Variants in ZNF805 observed in about 807,000 individuals in gnomAD.
The protein encoded by ZNF805 is CTC-444N24.8.
ZNF805 carries 7 observed loss-of-function variants against 13.6 expected under a neutral mutation model. The ratio of observed to expected loss-of-function variants is 0.51; its 90% CI spans 0.29 to 0.97. The LOEUF (loss-of-function observed/expected upper bound fraction) is 0.97. ZNF805 is among the 50% of genes least tolerant of loss of function. ZNF805 has a pLI of 0.08. For synonymous variants in ZNF805, 293 were observed against 279.8 expected (o/e 1.05, Z -0.47); for missense variants, 604 against 771.0 (o/e 0.78, Z 2.57).
chr19:57,253,459 A>G lies in ZNF805; in HGVS notation c.640A>G (p.Lys214Glu). The change falls in exon 4 of 4, where the codon AAG (lysine) becomes GAG (glutamate). Residue 214 changes from lysine to glutamate, a missense_variant. Lys to Glu is a moderately conservative substitution (Grantham distance 56, BLOSUM62 1). Coordinates refer to ENST00000414468, the MANE Select transcript of ZNF805 (RefSeq NM_001023563.4). The surrounding 1 kb of genome is among the most constrained non-coding windows in gnomAD (Gnocchi z 4.4). ...KCNECEKVFN[K>E]KRLLARHERI... is the part of the protein sequence containing the mutation. Reference sequence around the variant, plus strand: ...CAATGAATGTGAAAAAGTGTTTAACAAGAAACGCCTGCTTGCTCGGCATGA... The same window carrying G: ...CAATGAATGTGAAAAAGTGTTTAACGAGAAACGCCTGCTTGCTCGGCATGA... 2 of 1,585,482 alleles carry G rather than the reference A, an allele frequency of 1.3e-6. No homozygotes were observed. The highest frequency in any genetic ancestry group is 1.7e-6 in the Non-Finnish European group (2 of 1,165,166).
At position 57,248,533 on chromosome 19, in the gene ZNF805, C is replaced by A. The variant is rs569941668; in HGVS notation, c.158-72C>A. Reference sequence around the variant, plus strand: ...CAAGGTCTGGTCCCCATCCTGAAGTCCCAGACTAGATTGAAGGTCTTTATT... The same window carrying A: ...CAAGGTCTGGTCCCCATCCTGAAGTACCAGACTAGATTGAAGGTCTTTATT... On this transcript the variant is annotated intron_variant, in intron 2 of 3. Coordinates refer to ENST00000414468, the MANE Select transcript of ZNF805 (RefSeq NM_001023563.4). 1.1e-5 allele frequency: 15 copies of A among 1,349,952 alleles called. No individual in the cohort carries two copies. The East Asian group carries it at 2.0e-4, about 18-fold the overall frequency. 83.6% of individuals were successfully genotyped at this position (1,349,952 alleles called of 1,614,324 possible).
In ZNF805 at chr19:57,261,071, C is replaced by T. The variant is rs2087721100; in HGVS notation, c.*6368C>T. Among the ~76,000 whole-genome samples the T allele has an allele frequency of 6.6e-6, 1 of 152,192 alleles. No individual in the cohort carries two copies. Among genetic ancestry groups the T allele is most frequent in the Admixed American group, 6.5e-5 (1 of 15,286 alleles). ...GGTTTGGGGACTGGAAGCCACTGCA[C>T]TGGCTTCAGAATCCATGTCCTTAAC... On this transcript the variant is annotated 3_prime_UTR_variant, in exon 4 of 4. Transcript: ENST00000414468.
At position 57,258,389 on chromosome 19, in the gene ZNF805, A is replaced by G. The variant is rs2122851170; in HGVS notation, c.*3686A>G. 7.3e-6 allele frequency among the ~76,000 whole-genome samples: 1 copy of G among 136,580 alleles called. No homozygotes were observed. Among genetic ancestry groups the G allele is most frequent in the East Asian group, 2.1e-4 (1 of 4,764 alleles). The allele number at this position is 136,580 out of a possible 152,430, so 89.6% of individuals were successfully genotyped here. Reference sequence around the variant, plus strand: ...ATGTTAGTGCTATGTCTGCTATTTTATGATTAGTTTTTTGTGTTTCCTGTT... The same window carrying G: ...ATGTTAGTGCTATGTCTGCTATTTTGTGATTAGTTTTTTGTGTTTCCTGTT... On this transcript the variant is annotated 3_prime_UTR_variant, in exon 4 of 4. Transcript: ENST00000414468.
Position 57,257,045 on chromosome 19 carries a change from C to T in ZNF805, c.*2342C>T, listed in dbSNP as rs1186854292. The stretch of plus-strand genomic sequence containing the variant: ...TTCCTTTTGAGACATCTTCTCTAAC[C>T]CAGGAATTATTTAGAAGTATATTGT... On this transcript the variant is annotated 3_prime_UTR_variant, in exon 4 of 4. Transcript: ENST00000414468. Among the ~76,000 whole-genome samples the T allele has an allele frequency of 2.0e-5, 3 of 152,050 alleles. No homozygotes were observed. The highest frequency in any genetic ancestry group is 4.4e-5 in the Non-Finnish European group (3 of 68,014).
chr19:57,253,356 A>G lies in ZNF805; in HGVS notation c.537A>G (p.Gly179=). Reference sequence around the variant, plus strand: ...TTATACAGGATCGAGTCTCCTTAGGAGATGATGTCCATGACTGTGACTCAC... The same window carrying G: ...TTATACAGGATCGAGTCTCCTTAGGGGATGATGTCCATGACTGTGACTCAC... ...SRIIQDRVSL[G]DDVHDCDSHG... Residue 179 remains glycine (G), a synonymous_variant, in exon 4 of 4, where the codon GGA becomes GGG. Coordinates refer to ENST00000414468, the MANE Select transcript of ZNF805 (RefSeq NM_001023563.4). This position sits in a 1 kb window ranked among gnomAD's most constrained non-coding sequence, Gnocchi z 4.4. 1 of 1,566,822 alleles carries G rather than the reference A, an allele frequency of 6.4e-7. No individual in the cohort carries two copies. The highest frequency in any genetic ancestry group is 8.7e-7 in the Non-Finnish European group (1 of 1,155,188).
chr19:57,243,790 C>T lies in ZNF805; in HGVS notation c.31-133C>T, dbSNP rs551893261. On this transcript the variant is annotated intron_variant, in intron 1 of 3. Transcript: ENST00000414468. ...TGTCCAAAGCAATGTCTGCCTTCCTCCTTCAGCCTGGTACAAAGTTAGGCC... is the reference window on the plus strand; with the variant it reads ...TGTCCAAAGCAATGTCTGCCTTCCTTCTTCAGCCTGGTACAAAGTTAGGCC... 1.1e-5 allele frequency: 14 copies of T among 1,266,198 alleles called. No homozygotes were observed. In the Admixed American group the frequency reaches 2.4e-4, roughly 22 times the overall value. The allele number at this position is 1,266,198 out of a possible 1,614,324, so 78.4% of individuals were successfully genotyped here.
In ZNF805 at chr19:57,259,147, G is replaced by C. The variant is rs1012762001; in HGVS notation, c.*4444G>C. ...GGTGTGTGACATGGAATTTTTTTGA[G>C]TGTATCATGTTTGGTTTTTGTTTAG... is the stretch of plus-strand genomic sequence containing the variant. On this transcript the variant is annotated 3_prime_UTR_variant, in exon 4 of 4. Coordinates refer to ENST00000414468, the MANE Select transcript of ZNF805 (RefSeq NM_001023563.4). Among the ~76,000 whole-genome samples the C allele has an allele frequency of 3.9e-5, 6 of 152,130 alleles. No homozygotes were observed. The highest frequency in any genetic ancestry group is 1.4e-4 in the African/African-American group (6 of 41,428).
intron 2 of ZNF805, among the ~76,000 whole-genome samples, chr19:57,244,627 A>C (rs1477111001): frequency 6.6e-6 from 1 of 152,106 alleles, no homozygotes; most frequent in Non-Finnish European, 1.5e-5. Context: ...TGTTTTGCAG[A>C]CCTCAAAGGT....
rs2087687713 is a variant in ZNF805 at position 57,256,402 on chromosome 19, G to A, written c.*1699G>A. Among the ~76,000 whole-genome samples, 1 of 152,090 alleles carries A rather than the reference G, an allele frequency of 6.6e-6. No individual in the cohort carries two copies. Among genetic ancestry groups the A allele is most frequent in the Admixed American group, 6.6e-5 (1 of 15,258 alleles). ...TTTTGGAAGATCATGTGTAGAATTG[G>A]TGTTATTTGTTCCTTTAATGTTTGG... is the stretch of plus-strand genomic sequence containing the variant. On this transcript the variant is annotated 3_prime_UTR_variant, in exon 4 of 4. Coordinates refer to ENST00000414468, the MANE Select transcript of ZNF805 (RefSeq NM_001023563.4).
In ZNF805 at chr19:57,255,983, G is replaced by A. The variant is rs543384781; in HGVS notation, c.*1280G>A. The stretch of plus-strand genomic sequence containing the variant: ...TGCTTCCAAAGAGTTTCTCTATCGA[G>A]TTTAGAAAGTTTCCCTCTATTCCTA... On this transcript the variant is annotated 3_prime_UTR_variant, in exon 4 of 4. Coordinates refer to ENST00000414468, the MANE Select transcript of ZNF805 (RefSeq NM_001023563.4). Among the ~76,000 whole-genome samples, 13 of 152,152 alleles carry A rather than the reference G, an allele frequency of 8.5e-5. No individual in the cohort carries two copies. Among genetic ancestry groups the A allele is most frequent in the African/African-American group, 2.9e-4 (12 of 41,558 alleles).
At chr19:57,249,295 A>G (rs1450368126) in intron 3 of ZNF805, among the ~76,000 whole-genome samples, 1 of 152,196 alleles carries the variant, frequency 6.6e-6, no homozygotes, top group Admixed American at 6.5e-5. Flanking sequence ...CCATGAGTCT[A>G]GGAATTGTGG....
At position 57,253,523 on chromosome 19, in the gene ZNF805, A is replaced by T; in HGVS notation, c.704A>T (p.Glu235Val). 6.2e-7 allele frequency: 1 copy of T among 1,612,288 alleles called. No individual in the cohort carries two copies. The highest frequency in any genetic ancestry group is 1.1e-5 in the South Asian group (1 of 90,838). Residue 235 changes from glutamate to valine, a missense_variant, in exon 4 of 4, where the codon GAG becomes GTG. Glu to Val is a moderately radical substitution (Grantham distance 121). This residue lies in a region of ZNF805 where 327 missense variants were observed against 378.2 expected (regional missense o/e 0.86). Coordinates refer to ENST00000414468, the MANE Select transcript of ZNF805 (RefSeq NM_001023563.4). This position sits in a 1 kb window ranked among gnomAD's most constrained non-coding sequence, Gnocchi z 4.4. Reference protein sequence around the residue: ...HSGVKPYECTECGKTFSKSTY... With the variant: ...HSGVKPYECTVCGKTFSKSTY... ...GGAGTGAAGCCCTATGAATGCACAG[A>T]GTGTGGAAAAACCTTTAGCAAGAGT...
At chr19:57,242,334 C>G (rs983367801) in intron 1 of ZNF805, among the ~76,000 whole-genome samples, 8 of 152,228 alleles carry the variant, frequency 5.3e-5, no homozygotes, top group African/African-American at 1.7e-4. Context: ...CTAGAGAGGA[C>G]TGTGTAGACA....
At chr19:57,251,459 C>T (rs2122839423) in intron 3 of ZNF805, among the ~76,000 whole-genome samples, 1 of 152,114 alleles carries the variant, frequency 6.6e-6, no homozygotes, top group East Asian at 1.9e-4. Flanking sequence ...GCCTTTTTTT[C>T]AATTAACTTC....
At chr19:57,243,176 A>G (rs1227040608) in intron 1 of ZNF805, among the ~76,000 whole-genome samples, 1 of 152,208 alleles carries the variant, frequency 6.6e-6, no homozygotes, top group Admixed American at 6.5e-5. Context: ...TGAGCATGCC[A>G]TTACACTCCA....
chr19:57,241,998 A>G (rs1193935066), intron 1 of ZNF805, among the ~76,000 whole-genome samples: 15 of 152,224 alleles, frequency 9.9e-5, no homozygotes, highest in Admixed American at 9.8e-4. Flanking sequence ...AGCATAAATA[A>G]TAACACAAGA....
In ZNF805 at chr19:57,260,584, G is replaced by T. The variant is rs2087718464; in HGVS notation, c.*5881G>T. ...GGCTTTTTTCCTTTTTAGGGTCTGT[G>T]TCTTTCTTCCATCTGTAAAACAGCT... On this transcript the variant is annotated 3_prime_UTR_variant, in exon 4 of 4. Transcript: ENST00000414468. Among the ~76,000 whole-genome samples, 1 of 152,080 alleles carries T rather than the reference G, an allele frequency of 6.6e-6. No individual in the cohort carries two copies. Among genetic ancestry groups the T allele is most frequent in the South Asian group, 2.1e-4 (1 of 4,828 alleles).
Position 57,256,427 on chromosome 19 carries a change from G to T in ZNF805, c.*1724G>T, listed in dbSNP as rs965069291. Among the ~76,000 whole-genome samples, 1 of 152,046 alleles carries T rather than the reference G, an allele frequency of 6.6e-6. No individual in the cohort carries two copies. The highest frequency in any genetic ancestry group is 2.1e-4 in the South Asian group (1 of 4,830). On this transcript the variant is annotated 3_prime_UTR_variant, in exon 4 of 4. Coordinates refer to ENST00000414468, the MANE Select transcript of ZNF805 (RefSeq NM_001023563.4). ...GTGTTATTTGTTCCTTTAATGTTTG[G>T]TAGCTTTCTCCAGTGAAGAAGTGGG...
rs1482295660 is a variant in ZNF805, at chr19:57,253,272, T to C, written c.453T>C (p.Pro151=). The C allele has an allele frequency of 3.8e-6, 6 of 1,560,894 alleles. No individual in the cohort carries two copies. The highest frequency in any genetic ancestry group is 4.3e-6 in the Non-Finnish European group (5 of 1,152,542). Residue 151 remains proline, a synonymous_variant, in exon 4 of 4, where the codon CCT becomes CCC. Transcript: ENST00000414468. This position sits in a 1 kb window ranked among gnomAD's most constrained non-coding sequence, Gnocchi z 4.4. ...PGLDSQKEKL[P]GKMSPKHDGL... ...TAGATTCCCAAAAGGAGAAGCTTCC[T>C]GGAAAAATGAGCCCCAAACATGATG...
Sources: allele counts gnomAD v4.1 joint callset (sites outside exome capture counted in the v4.1 genomes callset), GRCh38; gene constraint gnomAD v4.1.1; regional missense constraint gnomAD v4.1.1; non-coding constraint Gnocchi (gnomAD v3.1); transcripts MANE v1.5; gene names NCBI Gene and HGNC (gene_info 2026-07-23, HGNC 2026-07-21).